CNGA1: variants seen among roughly 807,000 people sequenced by gnomAD.
CNGA1 encodes cyclic nucleotide gated channel subunit alpha 1, also known as cyclic nucleotide-gated channel alpha-1.
A neutral mutation model predicts 69.7 loss-of-function variants in CNGA1; 53 were observed. The observed-to-expected ratio is 0.76, with a 90% CI of 0.61 to 0.96. CNGA1 has a LOEUF of 0.96. CNGA1 is among the 40% of genes least tolerant of loss of function. The probability of loss-of-function intolerance (pLI) is 0.00; values close to 1 mark genes in which losing one functional copy is unlikely to be tolerated. For missense variants in CNGA1, 739 were observed against 811.2 expected (o/e 0.91, Z 1.08); for synonymous variants, 249 against 283.5 (o/e 0.88, Z 1.22).
chr4:47,982,728 T>C (rs1378721879), intron 2 of CNGA1, among the ~76,000 whole-genome samples: 1 of 152,208 alleles, frequency 6.6e-6, no homozygotes, highest in East Asian at 1.9e-4. Flanking sequence ...TCTTCTATTG[T>C]ATTTCATTAT....
At chr4:47,974,295 T>G (rs1426331445) in intron 3 of CNGA1, among the ~76,000 whole-genome samples, 2 of 152,202 alleles carry the variant, frequency 1.3e-5, no homozygotes, top group African/African-American at 4.8e-5. Flanking sequence ...ATCATTGGTA[T>G]TTTTGTTTTC....
intron 2 of CNGA1, among the ~76,000 whole-genome samples, chr4:47,999,168 A>G (rs1040333763): frequency 1.5e-4 from 23 of 152,226 alleles, no homozygotes; most frequent in African/African-American, 5.5e-4. Flanking sequence ...ATATTGTTAT[A>G]ATTGTTCAAT....
At chr4:47,966,552 C>T (rs1740736785) in intron 3 of CNGA1, among the ~76,000 whole-genome samples, 2 of 152,172 alleles carry the variant, frequency 1.3e-5, no homozygotes, top group South Asian at 4.1e-4. Context: ...AATTCTGTTG[C>T]AAAGGATTCC....
chr4:47,953,470 G>A (rs1739866673), intron 3 of CNGA1, among the ~76,000 whole-genome samples: 1 of 152,146 alleles, frequency 6.6e-6, no homozygotes, highest in Non-Finnish European at 1.5e-5. Context: ...TGGACAAAAA[G>A]GGTCTTGAGT....
intron 2 of CNGA1, among the ~76,000 whole-genome samples, chr4:47,984,238 A>T (rs544990450): frequency 6.6e-6 from 1 of 152,168 alleles, no homozygotes; most frequent in Non-Finnish European, 1.5e-5. Context: ...TCATCTTTAC[A>T]TTGAATGCAC....
chr4:47,999,625 C>A (rs1420370947), intron 2 of CNGA1, among the ~76,000 whole-genome samples: 1 of 152,180 alleles, frequency 6.6e-6, no homozygotes, highest in South Asian at 2.1e-4. Flanking sequence ...AATCACAGCA[C>A]TTTGGGAGGC....
At chr4:47,947,309 T>C (rs1474454092) in intron 6 of CNGA1, among the ~76,000 whole-genome samples, 1 of 152,162 alleles carries the variant, frequency 6.6e-6, no homozygotes, top group East Asian at 1.9e-4. Flanking sequence ...GAGGTGGTCT[T>C]GAAAGTGTGA....
intron 2 of CNGA1, among the ~76,000 whole-genome samples, chr4:48,007,421 C>T (rs1714968175): frequency 6.6e-6 from 1 of 152,150 alleles, no homozygotes; most frequent in African/African-American, 2.4e-5. Flanking sequence ...ACAATAGTCC[C>T]TGGAATTTGA....
intron 1 of CNGA1, among the ~76,000 whole-genome samples, 168 bp from the exon 2 acceptor site, chr4:48,011,061 G>A (rs886720231): frequency 6.6e-6 from 1 of 152,198 alleles, no homozygotes; most frequent in African/African-American, 2.4e-5. Flanking sequence ...GTGCTCTCAG[G>A]CAGCAGATGG....
chr4:47,937,858 G>A, intron 10 of CNGA1, 29 bp from the exon 11 acceptor site: 1 of 1,538,916 alleles, frequency 6.5e-7, no homozygotes, highest in Non-Finnish European at 9.0e-7. Context: ...TCAATTCAGT[G>A]TTTCTCCTTT....
At chr4:48,001,130 A>ATAGGT (rs1714648837) in intron 2 of CNGA1, among the ~76,000 whole-genome samples, 1 of 152,128 alleles carries the variant, frequency 6.6e-6, no homozygotes, top group Non-Finnish European at 1.5e-5. Context: ...AAAGACACAG[A>ATAGGT]TAGGTTAGAT....
At chr4:47,947,922 G>C (rs1334313852) in intron 6 of CNGA1, among the ~76,000 whole-genome samples, 1 of 152,190 alleles carries the variant, frequency 6.6e-6, no homozygotes, top group African/African-American at 2.4e-5. Flanking sequence ...GCCTGTTACA[G>C]AGACCAATGC....
chr4:47,970,774 G>A lies in CNGA1; in HGVS notation c.-15+10619C>T, dbSNP rs1740972800. 15 of 395,444 alleles carry A rather than the reference G, an allele frequency of 3.8e-5. 1 individual carries two copies. The highest frequency in any genetic ancestry group is 2.8e-4 in the South Asian group (14 of 49,836). 24.5% of individuals were successfully genotyped at this position (395,444 alleles called of 1,614,324 possible). A position where few individuals can be genotyped will look rare whatever the true frequency, so the allele number is the denominator to read the frequency against. ...CCTTTCTTCCTACCTCTGGTACCTTGTTATTTTTATATTTTATATACTATA... is the reference window on the plus strand; with the variant it reads ...CCTTTCTTCCTACCTCTGGTACCTTATTATTTTTATATTTTATATACTATA... On this transcript the variant is annotated intron_variant, in intron 3 of 10. Coordinates refer to ENST00000514170, the MANE Select transcript of CNGA1 (RefSeq NM_001379270.1).
intron 4 of CNGA1, 39 bp from the exon 5 acceptor site, chr4:47,951,508 T>G (rs749773302): frequency 7.4e-7 from 1 of 1,345,364 alleles, no homozygotes; most frequent in Non-Finnish European, 1.1e-6. Context: ...AGAGTTAATG[T>G]TTTCAACCAC....
chr4:47,940,757 AT>A lies in CNGA1; in HGVS notation c.652+5del. 3 of 1,536,412 alleles carry A rather than the reference AT, an allele frequency of 2.0e-6. No homozygotes were observed. The highest frequency in any genetic ancestry group is 2.7e-6 in the Non-Finnish European group (3 of 1,110,122). ...TTTTAAAATATTCAAAACTGAACAT[AT>A]TTACCTGTCCTTGTTCGTACAAACA... On this transcript the variant is annotated splice_donor_5th_base_variant and intron_variant, in intron 10 of 10. Coordinates refer to ENST00000514170, the MANE Select transcript of CNGA1 (RefSeq NM_001379270.1).
At chr4:48,002,806 C>T (rs1041848820) in intron 2 of CNGA1, among the ~76,000 whole-genome samples, 16 of 152,008 alleles carry the variant, frequency 1.1e-4, no homozygotes, top group South Asian at 4.2e-4. Context: ...TTATAACCTC[C>T]GGAATAATGG....
intron 6 of CNGA1, among the ~76,000 whole-genome samples, chr4:47,946,770 T>TTTTC (rs140558527): frequency 1.2e-4 from 18 of 151,024 alleles, no homozygotes; most frequent in South Asian, 2.1e-4. Context: ...CCCTTCGTCT[T>TTTTC]TTTCTTTCTT....
At chr4:47,963,231 G>A (rs562881068) in intron 3 of CNGA1, among the ~76,000 whole-genome samples, 14 of 152,360 alleles carry the variant, frequency 9.2e-5, no homozygotes, top group Middle Eastern at 3.4e-3. Context: ...AATTACAGGC[G>A]TGGGCCATCA....
intron 3 of CNGA1, among the ~76,000 whole-genome samples, chr4:47,979,056 C>T (rs947177724): frequency 2.6e-5 from 4 of 152,216 alleles, no homozygotes; most frequent in African/African-American, 7.2e-5. Flanking sequence ...CATGGTGGCT[C>T]ACACCTGTAA....
Sources: gnomAD v4.1 joint callset for allele counts (sites outside exome capture counted in the v4.1 genomes callset) on GRCh38, gnomAD v4.1.1 for gene constraint, MANE v1.5 for transcripts, NCBI Gene and HGNC (gene_info 2026-07-23, HGNC 2026-07-21) for gene names.